COG5: variants seen among roughly 807,000 people sequenced by gnomAD.
COG5 encodes the protein conserved oligomeric Golgi complex subunit 5.
Under a neutral mutation model 110.4 loss-of-function variants are expected in COG5, and 86 were observed. The observed-to-expected ratio is 0.78, with a 90% CI of 0.65 to 0.93. The LOEUF (loss-of-function observed/expected upper bound fraction) is 0.93. Ranked by LOEUF, COG5 falls within the 40% of genes least tolerant of loss-of-function variation. COG5 has a pLI of 0.00. For missense variants in COG5, 1,077 were observed against 987.0 expected, an observed-to-expected ratio of 1.09 and a Z score of -1.22; for synonymous variants, 360 against 334.6, an observed-to-expected ratio of 1.08 and a Z score of -0.83.
intron 3 of COG5, among the ~76,000 whole-genome samples, chr7:107,549,686 G>C (rs1027717140): frequency 6.6e-6 from 1 of 151,652 alleles, no homozygotes; most frequent in African/African-American, 2.4e-5. Flanking sequence ...ACAGGCGTGA[G>C]CCACCACGCC....
At chr7:107,481,284 G>A (rs139267670) in intron 6 of COG5, among the ~76,000 whole-genome samples, 289 of 152,280 alleles carry the variant, frequency 1.9e-3, no homozygotes, top group African/African-American at 6.6e-3. Context: ...AGTGGCTAGC[G>A]AGGATGACAA....
intron 6 of COG5, among the ~76,000 whole-genome samples, chr7:107,478,214 T>C (rs929884875): frequency 4.6e-5 from 7 of 151,938 alleles, no homozygotes; most frequent in Non-Finnish European, 8.8e-5. Context: ...GTTTTGTGTG[T>C]TAATTTAAGG....
Position 107,474,319 on chromosome 7 carries a change from C to T in COG5, c.538+52918G>A. The T allele has an allele frequency of 6.2e-7, 1 of 1,608,410 alleles. No individual in the cohort carries two copies. Among genetic ancestry groups the T allele is most frequent in the Non-Finnish European group, 8.5e-7 (1 of 1,175,034 alleles). Reference sequence around the variant, plus strand: ...CATTATTACAATGAATCTTCATGTACTTGATGTAATAATTTGTGTGGGATG... The same window carrying T: ...CATTATTACAATGAATCTTCATGTATTTGATGTAATAATTTGTGTGGGATG... On this transcript the variant is annotated intron_variant, in intron 6 of 21. Coordinates refer to ENST00000297135, the MANE Select transcript of COG5 (RefSeq NM_006348.5). The surrounding 1 kb of genome is among the most constrained non-coding windows in gnomAD (Gnocchi z 5.7).
chr7:107,347,366 G>A (rs1165173517), intron 10 of COG5, among the ~76,000 whole-genome samples: 1 of 152,142 alleles, frequency 6.6e-6, no homozygotes, highest in Non-Finnish European at 1.5e-5. Flanking sequence ...GAATGAATCA[G>A]TATAAAAGTT....
chr7:107,527,190 A>C, intron 6 of COG5, 47 bp downstream of exon 6: 1 of 1,476,166 alleles, frequency 6.8e-7, no homozygotes, highest in Non-Finnish European at 9.1e-7. Context: ...ACTTAAAAAT[A>C]TTTAAATCTC....
intron 6 of COG5, among the ~76,000 whole-genome samples, chr7:107,496,136 T>C (rs1313572863): frequency 1.3e-5 from 2 of 151,878 alleles, no homozygotes; most frequent in Non-Finnish European, 2.9e-5. Context: ...TCCCAAAAAT[T>C]AAAGAGAACG....
At chr7:107,453,899 T>G (rs1444261603) in intron 6 of COG5, among the ~76,000 whole-genome samples, 1 of 152,186 alleles carries the variant, frequency 6.6e-6, no homozygotes, top group East Asian at 1.9e-4. Flanking sequence ...CTTCAGATGA[T>G]TCATACCACA....
At chr7:107,462,167 C>A (rs771569308) in intron 6 of COG5, among the ~76,000 whole-genome samples, 1 of 152,154 alleles carries the variant, frequency 6.6e-6, no homozygotes, top group Admixed American at 6.6e-5. Context: ...AAAGGCAGGA[C>A]ACATGGGACG....
At chr7:107,466,756 CAG>C (rs879463937) in intron 6 of COG5, among the ~76,000 whole-genome samples, 18 of 152,280 alleles carry the variant, frequency 1.2e-4, no homozygotes, top group South Asian at 8.3e-4. Context: ...GCTCCAGTAT[CAG>C]AGAGAGTTCA....
intron 5 of COG5, among the ~76,000 whole-genome samples, chr7:107,539,824 T>C (rs1416464379): frequency 2.6e-5 from 4 of 152,100 alleles, no homozygotes; most frequent in Non-Finnish European, 4.4e-5. Context: ...TTGAACAAAA[T>C]ACACGAAATA....
At chr7:107,375,454 C>A (rs1814549289) in intron 7 of COG5, among the ~76,000 whole-genome samples, 3 of 152,018 alleles carry the variant, frequency 2.0e-5, no homozygotes, top group African/African-American at 7.2e-5. Flanking sequence ...GCCATTGCAG[C>A]AATTTACACT....
intron 7 of COG5, among the ~76,000 whole-genome samples, chr7:107,377,523 A>G (rs1814739155): frequency 6.6e-6 from 1 of 152,098 alleles, no homozygotes; most frequent in African/African-American, 2.4e-5. Flanking sequence ...AAGTAACTAA[A>G]TTTTGGCTTC....
rs1563056700 is a variant in COG5 at position 107,476,183 on chromosome 7, T to TAAAAAAAAAAAAAAAAAAAAA, written c.538+51053_538+51054insTTTTTTTTTTTTTTTTTTTTT. Among the ~76,000 whole-genome samples, 128 of 86,312 alleles carry TAAAAAAAAAAAAAAAAAAAAA rather than the reference T, an allele frequency of 1.5e-3. 2 individuals carry two copies. Among genetic ancestry groups the TAAAAAAAAAAAAAAAAAAAAA allele is most frequent in the Middle Eastern group, 0.013 (2 of 158 alleles). 56.6% of individuals were successfully genotyped at this position (86,312 alleles called of 152,430 possible). On this transcript the variant is annotated intron_variant, in intron 6 of 21. Coordinates refer to ENST00000297135, the MANE Select transcript of COG5 (RefSeq NM_006348.5). The stretch of plus-strand genomic sequence containing the variant: ...TCTGGATTAATATAGTGCAATGATT[T>TAAAAAAAAAAAAAAAAAAAAA]TAAAAAAAAAAAAAAAAAAAAAAAG...
intron 10 of COG5, among the ~76,000 whole-genome samples, chr7:107,336,765 C>T (rs1313030771): frequency 1.3e-5 from 2 of 152,114 alleles, no homozygotes; most frequent in Non-Finnish European, 2.9e-5. Context: ...AAATGATGTA[C>T]AGCAGGTTCT....
intron 18 of COG5, among the ~76,000 whole-genome samples, chr7:107,236,142 A>C (rs1385630530): frequency 6.6e-6 from 1 of 152,214 alleles, no homozygotes; most frequent in East Asian, 1.9e-4. Flanking sequence ...TGGGACAGTA[A>C]AATAGTGAGA....
intron 6 of COG5, among the ~76,000 whole-genome samples, chr7:107,502,885 G>C (rs1245573166): frequency 6.6e-6 from 1 of 152,038 alleles, no homozygotes; most frequent in Non-Finnish European, 1.5e-5. Flanking sequence ...GCTGATTTGA[G>C]TTCCCTGTAG....
chr7:107,304,789 C>T (rs1584650386), intron 11 of COG5, among the ~76,000 whole-genome samples: 1 of 152,206 alleles, frequency 6.6e-6, no homozygotes, highest in Non-Finnish European at 1.5e-5. Context: ...CTCCTTAAAA[C>T]TCTGCCAACC....
chr7:107,298,381 TA>T, intron 11 of COG5, 35 bp from the exon 12 acceptor site: 1 of 1,529,756 alleles, frequency 6.5e-7, no homozygotes, highest in Non-Finnish European at 9.0e-7. Flanking sequence ...ATTAGAAAAA[TA>T]ATAAAATGTA....
rs1397551130 is a variant in COG5, at chr7:107,389,066, TCTCA to T, written c.670-16310_670-16307del. Among the ~76,000 whole-genome samples the T allele has an allele frequency of 5.3e-5, 8 of 152,356 alleles. No individual in the cohort carries two copies. The East Asian group carries it at 1.5e-3, about 29-fold the overall frequency. ...CATAGGGTATTGATCCTTTATATGC[TCTCA>T]CTTTGTCTGCAACCTGTACCTGCTA... On this transcript the variant is annotated intron_variant, in intron 7 of 21. Transcript: ENST00000297135.
Sources: allele counts gnomAD v4.1 joint callset (sites outside exome capture counted in the v4.1 genomes callset), GRCh38; gene constraint gnomAD v4.1.1; non-coding constraint Gnocchi (gnomAD v3.1); transcripts MANE v1.5; gene names NCBI Gene and HGNC (gene_info 2026-07-23, HGNC 2026-07-21).